Variants in CCDC85A observed in about 807,000 individuals in gnomAD.
CCDC85A encodes coiled-coil domain containing 85A.
In CCDC85A, 38 loss-of-function variants were observed where a neutral mutation model predicts 50.2. That is an observed-to-expected ratio of 0.76 (90% CI 0.58 to 0.99). The LOEUF (loss-of-function observed/expected upper bound fraction) is 0.99. Ranked by LOEUF, CCDC85A falls within the 50% of genes least tolerant of loss-of-function variation. The pLI is 0.00. For missense variants in CCDC85A, 820 were observed against 742.0 expected (o/e 1.11, Z -1.22); for synonymous variants, 366 against 301.4 (o/e 1.21, Z -2.22).
intron 3 of CCDC85A, among the ~76,000 whole-genome samples, chr2:56,369,705 G>A (rs1675980621): frequency 6.6e-6 from 1 of 152,104 alleles, no homozygotes; most frequent in African/African-American, 2.4e-5. Flanking sequence ...CTTTATGTGT[G>A]TCTGAAGTTC....
chr2:56,374,032 G>T (rs1196646358), intron 4 of CCDC85A, among the ~76,000 whole-genome samples: 1 of 152,110 alleles, frequency 6.6e-6, no homozygotes, highest in East Asian at 1.9e-4. Context: ...AGGCATTATT[G>T]TTTCTGATTT....
chr2:56,264,113 G>C (rs544954589), intron 2 of CCDC85A, among the ~76,000 whole-genome samples: 2 of 152,154 alleles, frequency 1.3e-5, no homozygotes, highest in Non-Finnish European at 2.9e-5. Flanking sequence ...TCAGGCTGTG[G>C]GTTGAACAGA....
At chr2:56,364,236 A>G (rs1675678513) in intron 3 of CCDC85A, among the ~76,000 whole-genome samples, 1 of 152,148 alleles carries the variant, frequency 6.6e-6, no homozygotes, top group South Asian at 2.1e-4. Flanking sequence ...AGCCCTTTCA[A>G]AAGATATTAA....
intron 5 of CCDC85A, among the ~76,000 whole-genome samples, chr2:56,376,605 GA>G (rs1465190436): frequency 6.6e-6 from 1 of 151,956 alleles, no homozygotes; most frequent in African/African-American, 2.4e-5. Context: ...TAAAACTAAT[GA>G]AAAATCAGGA....
At position 56,376,267 on chromosome 2, in the gene CCDC85A, G is replaced by A. The variant is rs145678851; in HGVS notation, c.1572+332G>A. On this transcript the variant is annotated intron_variant, in intron 5 of 5. Coordinates refer to ENST00000407595, the MANE Select transcript of CCDC85A (RefSeq NM_001080433.2). ...GTATTTTATGTGCAATGTTTGTAGCGTGGATGTCTTCAAATATAGGAAGTT... is the reference window on the plus strand; with the variant it reads ...GTATTTTATGTGCAATGTTTGTAGCATGGATGTCTTCAAATATAGGAAGTT... Among the ~76,000 whole-genome samples the A allele has an allele frequency of 2.9e-3, 440 of 152,240 alleles. 5 individuals are homozygous for A. The highest frequency in any genetic ancestry group is 0.01 in the African/African-American group (416 of 41,516).
intron 2 of CCDC85A, among the ~76,000 whole-genome samples, chr2:56,298,102 T>C (rs1047167153): frequency 6.6e-6 from 1 of 152,180 alleles, no homozygotes; most frequent in African/African-American, 2.4e-5. Flanking sequence ...GTTGATGTTA[T>C]GTGGAAAAAT....
chr2:56,230,661 TA>T (rs1248116675), intron 2 of CCDC85A, among the ~76,000 whole-genome samples: 4 of 152,240 alleles, frequency 2.6e-5, no homozygotes, highest in African/African-American at 7.2e-5. Context: ...ATCATCCATT[TA>T]AAAAAATTCT....
intron 2 of CCDC85A, among the ~76,000 whole-genome samples, chr2:56,232,357 T>G (rs1668810064): frequency 6.6e-6 from 1 of 152,194 alleles, no homozygotes; most frequent in African/African-American, 2.4e-5. Context: ...TATCTCCTAG[T>G]TGCCTTTGAT....
At chr2:56,322,126 T>C (rs1573253371) in intron 2 of CCDC85A, among the ~76,000 whole-genome samples, 1 of 152,260 alleles carries the variant, frequency 6.6e-6, no homozygotes, top group Non-Finnish European at 1.5e-5. Flanking sequence ...TCCTTACACC[T>C]TATACAAAAA....
chr2:56,189,340 G>GCC (rs1676198263), intron 1 of CCDC85A, among the ~76,000 whole-genome samples: 1 of 134,956 alleles, frequency 7.4e-6, no homozygotes, highest in Non-Finnish European at 1.6e-5. Context: ...TGTTGCCCAG[G>GCC]CTGTAGTGTA....
chr2:56,206,482 G>A (rs1349776861), intron 2 of CCDC85A, among the ~76,000 whole-genome samples: 2 of 152,054 alleles, frequency 1.3e-5, no homozygotes, highest in Non-Finnish European at 2.9e-5. Context: ...TCTATCCAGG[G>A]CCTTTGTGCT....
At position 56,192,751 on chromosome 2, in the gene CCDC85A, G is replaced by A. The variant is rs753135387; in HGVS notation, c.551G>A (p.Arg184His). The A allele has an allele frequency of 1.9e-6, 3 of 1,613,046 alleles. No homozygotes were observed. Among genetic ancestry groups the A allele is most frequent in the Non-Finnish European group, 2.5e-6 (3 of 1,179,650 alleles). The part of the protein sequence containing the change: ...EEKGAGCAGS[R>H]CSIDSQASLC... ...AAGGGTGCAGGCTGCGCAGGCAGCC[G>A]CTGCTCCATCGACAGCCAGGCCAGC... Residue 184 changes from arginine to histidine, a missense_variant, in exon 2 of 6, where the codon CGC becomes CAC. Arg to His is a conservative substitution (Grantham distance 29). Transcript: ENST00000407595. The surrounding 1 kb of genome is among the most constrained non-coding windows in gnomAD (Gnocchi z 4.7).
chr2:56,272,887 A>G (rs974435300), intron 2 of CCDC85A, among the ~76,000 whole-genome samples: 1 of 152,182 alleles, frequency 6.6e-6, no homozygotes, highest in East Asian at 1.9e-4. Context: ...CAATATTACA[A>G]GGTATTTGAA....
intron 3 of CCDC85A, among the ~76,000 whole-genome samples, chr2:56,369,087 A>G (rs2104385911): frequency 6.6e-6 from 1 of 152,244 alleles, no homozygotes; most frequent in Non-Finnish European, 1.5e-5. Flanking sequence ...ATTTTAGATA[A>G]CATATAATAT....
chr2:56,252,051 AT>A (rs764719557), intron 2 of CCDC85A, among the ~76,000 whole-genome samples: 18,156 of 126,114 alleles, frequency 0.14, 1,015 homozygotes, highest in Middle Eastern at 0.16. Context: ...ATCATCAACT[AT>A]TTTTTTTTTT....
intron 2 of CCDC85A, among the ~76,000 whole-genome samples, chr2:56,298,385 C>T (rs1465406904): frequency 6.6e-6 from 1 of 152,036 alleles, no homozygotes; most frequent in Non-Finnish European, 1.5e-5. Context: ...TGAAGGAGAG[C>T]CCTCATTTCA....
chr2:56,337,486 ACCTGCATGTC>A (rs1274490221), intron 2 of CCDC85A, among the ~76,000 whole-genome samples: 1 of 152,064 alleles, frequency 6.6e-6, no homozygotes, highest in African/African-American at 2.4e-5. Context: ...CTCCTCCTGT[ACCTGCATGTC>A]CCTTTCTTTT....
chr2:56,288,696 C>A (rs982812778), intron 2 of CCDC85A, among the ~76,000 whole-genome samples: 2 of 149,008 alleles, frequency 1.3e-5, no homozygotes, highest in Non-Finnish European at 3.0e-5. Context: ...CCATGCCCCC[C>A]CCACCCCAAA....
intron 2 of CCDC85A, among the ~76,000 whole-genome samples, chr2:56,285,444 A>G: frequency 7.0e-6 from 1 of 142,804 alleles, no homozygotes; most frequent in Middle Eastern, 3.7e-3. Flanking sequence ...TAATTATATT[A>G]ATAATATAAT....
Sources: allele counts gnomAD v4.1 joint callset (sites outside exome capture counted in the v4.1 genomes callset), GRCh38; gene constraint gnomAD v4.1.1; non-coding constraint Gnocchi (gnomAD v3.1); transcripts MANE v1.5; gene names NCBI Gene and HGNC (gene_info 2026-07-23, HGNC 2026-07-21).